The following SPOCK1 variants were observed in gnomAD, a reference collection of about 807,000 sequenced individuals.
The protein encoded by SPOCK1 is testican-1.
A neutral mutation model predicts 55.3 loss-of-function variants in SPOCK1; 23 were observed. That is an observed-to-expected ratio of 0.42 (90% confidence interval 0.30 to 0.59). The LOEUF is 0.59. Ranked by LOEUF, SPOCK1 falls within the 20% of genes least tolerant of loss-of-function variation. The pLI is 0.22. For missense variants in SPOCK1, 499 were observed against 552.5 expected (o/e 0.90, Z 0.97); for synonymous variants, 226 against 221.0 (o/e 1.02, Z -0.20).
At chr5:137,391,107 GTTTCTCATTGTTCTA>G in intron 2 of SPOCK1, among the ~76,000 whole-genome samples, 1 of 151,860 alleles carries the variant, frequency 6.6e-6, no homozygotes, top group Non-Finnish European at 1.5e-5. Context: ...CCTCCCTGAC[GTTTCTCATTGTTCTA>G]TTCCCACTTA....
chr5:137,433,543 A>C (rs1028593047), intron 2 of SPOCK1, among the ~76,000 whole-genome samples: 1 of 152,186 alleles, frequency 6.6e-6, no homozygotes, highest in Non-Finnish European at 1.5e-5. Flanking sequence ...GGCAGGCCCC[A>C]TTTGGCTGCC....
rs1752145964 is a variant in SPOCK1 at position 137,408,521 on chromosome 5, T to C, written c.186+89852A>G. The stretch of plus-strand genomic sequence containing the variant: ...GAAACACATCAGTTCTTGCCCTCCT[T>C]CTCAGGGATAAAAAGCTTATCTTTG... On this transcript the variant is annotated intron_variant, in intron 2 of 10. Transcript: ENST00000394945. Among the ~76,000 whole-genome samples the C allele has an allele frequency of 2.0e-5, 3 of 152,158 alleles. No individual in the cohort carries two copies. The South Asian group carries it at 6.2e-4, about 32-fold the overall frequency.
At chr5:137,147,518 G>C (rs75989862) in intron 3 of SPOCK1, among the ~76,000 whole-genome samples, 3 of 152,122 alleles carry the variant, frequency 2.0e-5, no homozygotes, top group Non-Finnish European at 4.4e-5. Context: ...CCTCTTCCTG[G>C]CTTGCAGCCA....
intron 3 of SPOCK1, among the ~76,000 whole-genome samples, chr5:137,159,263 T>C (rs1754481106): frequency 6.6e-6 from 1 of 152,194 alleles, no homozygotes; most frequent in African/African-American, 2.4e-5. Context: ...ACAGACTTCT[T>C]AAAATGGGAT....
chr5:137,110,460 A>G (rs1204482488), intron 5 of SPOCK1, among the ~76,000 whole-genome samples: 1 of 152,238 alleles, frequency 6.6e-6, no homozygotes, highest in Admixed American at 6.5e-5. Context: ...TAAGTGAAAG[A>G]CAATGATGGC....
chr5:137,442,286 G>T (rs374608392), intron 2 of SPOCK1, among the ~76,000 whole-genome samples: 4 of 152,110 alleles, frequency 2.6e-5, no homozygotes, highest in African/African-American at 4.8e-5. Flanking sequence ...ACGGGGGAGC[G>T]GGGGGAAGAT....
At chr5:137,421,760 G>A (rs1752502548) in intron 2 of SPOCK1, among the ~76,000 whole-genome samples, 1 of 152,146 alleles carries the variant, frequency 6.6e-6, no homozygotes, top group East Asian at 1.9e-4. Flanking sequence ...CAATTTGCCA[G>A]TCTGTGTCTT....
intron 3 of SPOCK1, among the ~76,000 whole-genome samples, chr5:137,188,961 C>T (rs1397315234): frequency 1.3e-5 from 2 of 152,210 alleles, no homozygotes; most frequent in African/African-American, 4.8e-5. Context: ...GAAAATCAAA[C>T]CAGTCAAAAC....
intron 2 of SPOCK1, among the ~76,000 whole-genome samples, chr5:137,338,002 T>C (rs886809987): frequency 1.3e-5 from 2 of 152,182 alleles, no homozygotes; most frequent in African/African-American, 4.8e-5. Flanking sequence ...TTGGGACTAG[T>C]GACACTCCTC....
chr5:137,176,832 A>G (rs1754862285), intron 3 of SPOCK1, among the ~76,000 whole-genome samples: 1 of 152,168 alleles, frequency 6.6e-6, no homozygotes, highest in Non-Finnish European at 1.5e-5. Flanking sequence ...TGCCAAAAGA[A>G]TCCTAAAGCC....
chr5:137,183,813 C>T (rs1755015966), intron 3 of SPOCK1, among the ~76,000 whole-genome samples: 1 of 152,228 alleles, frequency 6.6e-6, no homozygotes, highest in South Asian at 2.1e-4. Context: ...GGCAGGAAGG[C>T]ACAGAGGTAG....
intron 2 of SPOCK1, among the ~76,000 whole-genome samples, chr5:137,348,502 G>A (rs1008450391): frequency 6.6e-5 from 10 of 152,016 alleles, no homozygotes; most frequent in African/African-American, 1.5e-4. Context: ...GGGGCATAGC[G>A]CCTGTGCTTA....
Position 137,320,760 on chromosome 5 carries a change from T to C in SPOCK1, c.187-53705A>G, listed in dbSNP as rs543462016. ...CGCTTGGAATCTCTAGCTGGGCTGA[T>C]TGCTGAAGGTCTTTCCCTATAAGAA... On this transcript the variant is annotated intron_variant, in intron 2 of 10. Transcript: ENST00000394945. Among the ~76,000 whole-genome samples, 91 of 152,298 alleles carry C rather than the reference T, an allele frequency of 6.0e-4. 1 individual carries two copies. The highest frequency in any genetic ancestry group is 2.0e-3 in the African/African-American group (84 of 41,572).
In SPOCK1 at chr5:137,422,847, G is replaced by C. The variant is rs535839119; in HGVS notation, c.186+75526C>G. Among the ~76,000 whole-genome samples, 619 of 152,334 alleles carry C rather than the reference G, an allele frequency of 4.1e-3. 3 individuals carry two copies. The highest frequency in any genetic ancestry group is 7.2e-3 in the Non-Finnish European group (489 of 68,030). On this transcript the variant is annotated intron_variant, in intron 2 of 10. Coordinates refer to ENST00000394945, the MANE Select transcript of SPOCK1 (RefSeq NM_004598.4). Reference sequence around the variant, plus strand: ...TGGTGAGGAGCTGCATTCCTTTGGAGGAGGAGAGGCACTCTGATTTTCAGA... The same window carrying C: ...TGGTGAGGAGCTGCATTCCTTTGGACGAGGAGAGGCACTCTGATTTTCAGA...
intron 3 of SPOCK1, among the ~76,000 whole-genome samples, chr5:137,200,747 A>G (rs1207137281): frequency 1.3e-5 from 2 of 152,138 alleles, no homozygotes; most frequent in East Asian, 3.9e-4. Context: ...TGCTGCACCT[A>G]TTAACCCACC....
At chr5:137,455,449 C>T (rs1439742727) in intron 2 of SPOCK1, among the ~76,000 whole-genome samples, 1 of 152,134 alleles carries the variant, frequency 6.6e-6, no homozygotes, top group Non-Finnish European at 1.5e-5. Flanking sequence ...TCCTAGGAGA[C>T]AGGGCCCAGG....
chr5:137,076,676 T>C lies in SPOCK1; in HGVS notation c.475-8847A>G, dbSNP rs574216287. 8.6e-5 allele frequency among the ~76,000 whole-genome samples: 13 copies of C among 151,418 alleles called. No homozygotes were observed. In the South Asian group the frequency reaches 1.7e-3, roughly 20 times the overall value. ...GTACAGTTTCTAGTAAATTCATATCTCCTTTGCACCATCTTAAAGTCATAC... is the reference window on the plus strand; with the variant it reads ...GTACAGTTTCTAGTAAATTCATATCCCCTTTGCACCATCTTAAAGTCATAC... On this transcript the variant is annotated intron_variant, in intron 5 of 10. Coordinates refer to ENST00000394945, the MANE Select transcript of SPOCK1 (RefSeq NM_004598.4).
At chr5:137,266,673 T>G (rs532618902) in intron 3 of SPOCK1, among the ~76,000 whole-genome samples, 1 of 152,320 alleles carries the variant, frequency 6.6e-6, no homozygotes, top group East Asian at 1.9e-4. Flanking sequence ...TCTCCAGGCA[T>G]AGTCTGTTCC....
intron 6 of SPOCK1, among the ~76,000 whole-genome samples, chr5:137,027,790 T>G (rs1580714444): frequency 1.3e-5 from 2 of 151,612 alleles, no homozygotes; most frequent in African/African-American, 4.8e-5. Context: ...CCACCCCTTT[T>G]GCACCCCTCA....
Sources: gnomAD v4.1 joint callset for allele counts (sites outside exome capture counted in the v4.1 genomes callset) on GRCh38, gnomAD v4.1.1 for gene constraint, MANE v1.5 for transcripts, NCBI Gene and HGNC (gene_info 2026-07-23, HGNC 2026-07-21) for gene names.